Variants in PDE1A observed in about 807,000 individuals in gnomAD.
PDE1A encodes the protein dual specificity calcium/calmodulin-dependent 3',5'-cyclic nucleotide phosphodiesterase 1A.
Under a neutral mutation model 61.7 loss-of-function variants are expected in PDE1A, and 35 were observed. The observed-to-expected ratio is 0.57, with a 90% confidence interval of 0.43 to 0.75. The LOEUF is 0.75. PDE1A is among the 30% of genes least tolerant of loss of function. The pLI is 0.00. For missense variants in PDE1A, 597 were observed against 630.6 expected (o/e 0.95, Z 0.57); for synonymous variants, 232 against 213.2 (o/e 1.09, Z -0.77).
chr2:182,465,165 G>T (rs190581933), intron 2 of PDE1A, among the ~76,000 whole-genome samples: 1 of 152,122 alleles, frequency 6.6e-6, no homozygotes, highest in Non-Finnish European at 1.5e-5. Context: ...AAGGACTGCA[G>T]TAATAATAAT....
At chr2:182,508,371 T>C (rs950042974) in intron 2 of PDE1A, among the ~76,000 whole-genome samples, 1 of 151,598 alleles carries the variant, frequency 6.6e-6, no homozygotes, top group Non-Finnish European at 1.5e-5. Flanking sequence ...AACATAGTAC[T>C]GGAAGTCTTA....
At chr2:182,491,491 G>T (rs1383627651) in intron 2 of PDE1A, among the ~76,000 whole-genome samples, 1 of 152,166 alleles carries the variant, frequency 6.6e-6, no homozygotes, top group Admixed American at 6.5e-5. Context: ...TGTAGTTGAG[G>T]TGCTACAAGG....
At chr2:182,508,975 A>C (rs1285839005) in intron 2 of PDE1A, among the ~76,000 whole-genome samples, 28 of 127,124 alleles carry the variant, frequency 2.2e-4, no homozygotes, top group African/African-American at 6.5e-4. Context: ...CCCAGCCCAC[A>C]ACAGTCCCCA....
upstream of PDE1A, among the ~76,000 whole-genome samples, chr2:182,527,684 C>G (rs572530211): frequency 6.6e-6 from 1 of 152,072 alleles, no homozygotes; most frequent in Non-Finnish European, 1.5e-5. Flanking sequence ...ATGTACATGT[C>G]TAATATGGTT....
At chr2:182,370,711 G>A (rs1367881280) in intron 1 of PDE1A, among the ~76,000 whole-genome samples, 1 of 152,166 alleles carries the variant, frequency 6.6e-6, no homozygotes, top group African/African-American at 2.4e-5. Flanking sequence ...AAGAGATTAT[G>A]ATGAGCTCGT....
the PDE1A span, among the ~76,000 whole-genome samples, chr2:182,565,944 A>C: frequency 6.6e-6 from 1 of 152,320 alleles, no homozygotes; most frequent in South Asian, 2.1e-4. Flanking sequence ...AATATTACTA[A>C]GAAAAAGAAG....
intron 1 of PDE1A, among the ~76,000 whole-genome samples, chr2:182,417,953 T>C (rs1161234715): frequency 1.3e-5 from 2 of 152,196 alleles, no homozygotes; most frequent in Non-Finnish European, 2.9e-5. Context: ...TTTGCAGGTA[T>C]TACAAAAATA....
intron 2 of PDE1A, among the ~76,000 whole-genome samples, chr2:182,251,129 T>C (rs187406719): frequency 1.3e-5 from 2 of 152,338 alleles, no homozygotes; most frequent in East Asian, 3.9e-4. Flanking sequence ...AATGCTCCAC[T>C]GATTAACAAA....
intron 1 of PDE1A, among the ~76,000 whole-genome samples, chr2:182,315,937 A>G (rs1044839893): frequency 1.3e-5 from 2 of 152,208 alleles, no homozygotes; most frequent in Non-Finnish European, 2.9e-5. Context: ...AACATTGATG[A>G]TAGGTGTCTG....
At chr2:182,210,191 T>G (rs981764819) in intron 7 of PDE1A, among the ~76,000 whole-genome samples, 10 of 152,206 alleles carry the variant, frequency 6.6e-5, no homozygotes, top group Admixed American at 1.3e-4. Context: ...ATGGTAAGAG[T>G]AGTTTCAATT....
intron 2 of PDE1A, among the ~76,000 whole-genome samples, chr2:182,253,251 G>C (rs1691533702): frequency 6.6e-6 from 1 of 152,194 alleles, no homozygotes; most frequent in Non-Finnish European, 1.5e-5. Flanking sequence ...AATGACAGGT[G>C]ACATCAAACC....
intron 2 of PDE1A, among the ~76,000 whole-genome samples, chr2:182,244,515 T>C (rs1690806354): frequency 6.6e-6 from 1 of 152,140 alleles, no homozygotes; most frequent in Admixed American, 6.5e-5. Context: ...TGTGTACCCA[T>C]GTTTCACCTC....
chr2:182,450,487 T>C (rs1341199645), intron 2 of PDE1A, among the ~76,000 whole-genome samples: 1 of 151,922 alleles, frequency 6.6e-6, no homozygotes. Flanking sequence ...CCCATGAAAC[T>C]GAATTTATTG....
chr2:182,261,986 G>A (rs774731589), intron 2 of PDE1A, among the ~76,000 whole-genome samples: 1 of 151,958 alleles, frequency 6.6e-6, no homozygotes, highest in Non-Finnish European at 1.5e-5. Context: ...TGAACAATAA[G>A]AGCACACATA....
chr2:182,532,945 CAAAAAAAAAAAAAAAAAA>C, the PDE1A span, among the ~76,000 whole-genome samples: 1 of 21,178 alleles, frequency 4.7e-5, no homozygotes, highest in African/African-American at 1.9e-4. Context: ...GACTCCGTCT[CAAAAAAAAAAAAAAAAAA>C]AAAAAAAAAA....
chr2:182,155,628 G>A (rs1050316523), intron 13 of PDE1A, among the ~76,000 whole-genome samples: 3 of 152,104 alleles, frequency 2.0e-5, no homozygotes, highest in East Asian at 3.9e-4. Flanking sequence ...AGTGGCTCAT[G>A]CCTGTAATCC....
At chr2:182,607,058 A>G in the PDE1A span, among the ~76,000 whole-genome samples, 1 of 152,168 alleles carries the variant, frequency 6.6e-6, no homozygotes, top group South Asian at 2.1e-4. Context: ...GGGGAAAAAA[A>G]AAGACAGGAT....
intron 1 of PDE1A, among the ~76,000 whole-genome samples, chr2:182,424,317 C>T (rs773208506): frequency 1.3e-5 from 2 of 152,144 alleles, no homozygotes; most frequent in Non-Finnish European, 2.9e-5. Flanking sequence ...CATAAAATGT[C>T]CATTAAGCTT....
At chr2:182,546,902 G>A in the PDE1A span, among the ~76,000 whole-genome samples, 2 of 152,156 alleles carry the variant, frequency 1.3e-5, no homozygotes, top group South Asian at 4.1e-4. Context: ...AAGGACAATA[G>A]AAGTTATTAA....
Sources: gnomAD v4.1 joint callset for allele counts (sites outside exome capture counted in the v4.1 genomes callset) on GRCh38, gnomAD v4.1.1 for gene constraint, MANE v1.5 for transcripts, NCBI Gene and HGNC (gene_info 2026-07-23, HGNC 2026-07-21) for gene names.